ODR4: variants seen among roughly 807,000 people sequenced by gnomAD.
ODR4 encodes the protein protein odr-4 homolog.
In ODR4, 47 loss-of-function variants were observed where a neutral mutation model predicts 60.2. The ratio of observed to expected loss-of-function variants is 0.78; its 90% CI spans 0.62 to 1.00. ODR4 has a LOEUF of 1.00. Ranked by LOEUF, ODR4 falls within the 50% of genes least tolerant of loss-of-function variation. The probability of loss-of-function intolerance (pLI) is 0.00; values close to 1 mark genes in which losing one functional copy is unlikely to be tolerated. For synonymous variants in ODR4, 178 were observed against 175.5 expected, an observed-to-expected ratio of 1.01 and a Z score of -0.11; for missense variants, 488 against 530.8, an observed-to-expected ratio of 0.92 and a Z score of 0.79.
chr1:186,397,259 A>T (rs950831156), intron 9 of ODR4, among the ~76,000 whole-genome samples: 7 of 152,118 alleles, frequency 4.6e-5, no homozygotes, highest in African/African-American at 1.7e-4. Context: ...TTTATTCCTG[A>T]TTGCATAAGC....
At chr1:186,378,550 A>G (rs1291463030) in intron 1 of ODR4, among the ~76,000 whole-genome samples, 4 of 152,226 alleles carry the variant, frequency 2.6e-5, no homozygotes, top group African/African-American at 7.2e-5. Flanking sequence ...ACTTCCATCC[A>G]CAGACCAGAG....
chr1:186,377,876 T>G (rs1219550347), intron 1 of ODR4, among the ~76,000 whole-genome samples: 1 of 152,070 alleles, frequency 6.6e-6, no homozygotes, highest in Non-Finnish European at 1.5e-5. Context: ...AAACCCCGTC[T>G]CTACTAAAAA....
chr1:186,425,330 A>AAG (rs1303204616), downstream of ODR4, among the ~76,000 whole-genome samples: 1 of 152,188 alleles, frequency 6.6e-6, no homozygotes, highest in Non-Finnish European at 1.5e-5. Context: ...TTGTTTAAAA[A>AAG]AGAGGAAAAA....
intron 11 of ODR4, 72 bp downstream of exon 11, chr1:186,399,116 G>A: frequency 1.1e-6 from 1 of 927,856 alleles, no homozygotes; most frequent in Non-Finnish European, 1.7e-6. Context: ...AGATATAGCA[G>A]ATACGTCATC....
At chr1:186,390,277 A>G (rs534129514) in intron 6 of ODR4, among the ~76,000 whole-genome samples, 35 of 152,152 alleles carry the variant, frequency 2.3e-4, no homozygotes, top group Non-Finnish European at 8.8e-5. Context: ...GCACTTTGCT[A>G]ATGCATCTAA....
chr1:186,424,350 T>C (rs752486921), downstream of ODR4, among the ~76,000 whole-genome samples: 4 of 152,160 alleles, frequency 2.6e-5, no homozygotes, highest in Non-Finnish European at 4.4e-5. Context: ...TGTATATTTG[T>C]GATAAAACTT....
intron 11 of ODR4, chr1:186,399,297 T>C: frequency 4.2e-6 from 2 of 472,522 alleles, no homozygotes. Flanking sequence ...CCTCAGCCTC[T>C]TGGGCTCAAG....
intron 5 of ODR4, 84 bp downstream of exon 5, chr1:186,388,632 C>T (rs1660340052): frequency 5.2e-6 from 4 of 764,538 alleles, no homozygotes; most frequent in Non-Finnish European, 7.9e-6. Context: ...TTATTTAAAT[C>T]ATCATTTAAA....
chr1:186,400,085 G>A lies in ODR4; in HGVS notation c.1000+1041G>A, dbSNP rs1328787975. 3.5e-5 allele frequency among the ~76,000 whole-genome samples: 5 copies of A among 143,334 alleles called. No individual in the cohort carries two copies. The East Asian group carries it at 1.1e-3, about 30-fold the overall frequency. 94.0% of individuals were successfully genotyped at this position (143,334 alleles called of 152,430 possible). ...CGACTCACTGCAAGCTCCGCCTCCC[G>A]GGTTCACGCCATTCTCCTGCCTCAG... On this transcript the variant is annotated intron_variant, in intron 11 of 13. Transcript: ENST00000287859.
rs1660774379 is a variant in ODR4, at chr1:186,398,221, C to T, written c.781-92C>T. 5 of 1,188,060 alleles carry T rather than the reference C, an allele frequency of 4.2e-6. No homozygotes were observed. In the South Asian group the frequency reaches 1.1e-4, roughly 26 times the overall value. 73.6% of individuals were successfully genotyped at this position (1,188,060 alleles called of 1,614,324 possible). On this transcript the variant is annotated intron_variant, in intron 9 of 13. Coordinates refer to ENST00000287859, the MANE Select transcript of ODR4 (RefSeq NM_017847.6). ...TGCTTGGCTCAGTCAAAACTTTGTT[C>T]TCTCTTCATAAAATCGCTAATATAA...
intron 12 of ODR4, among the ~76,000 whole-genome samples, chr1:186,406,981 T>C (rs895693757): frequency 2.0e-5 from 3 of 152,176 alleles, no homozygotes; most frequent in Admixed American, 6.5e-5. Context: ...AATTCTCCCT[T>C]CAGGAATAGG....
At chr1:186,395,479 A>G (rs1428544374) in intron 9 of ODR4, among the ~76,000 whole-genome samples, 2 of 152,176 alleles carry the variant, frequency 1.3e-5, no homozygotes, top group South Asian at 4.1e-4. Flanking sequence ...AGTGACTAAT[A>G]TACAGTAAGT....
At chr1:186,408,574 GTGTA>G (rs1329321957) in intron 12 of ODR4, among the ~76,000 whole-genome samples, 16 of 149,316 alleles carry the variant, frequency 1.1e-4, no homozygotes, top group South Asian at 4.2e-4. Flanking sequence ...TAAACAATTT[GTGTA>G]TGTATGTAAA....
intron 1 of ODR4, among the ~76,000 whole-genome samples, chr1:186,377,150 C>G (rs1354778055): frequency 2.6e-5 from 4 of 152,026 alleles, no homozygotes; most frequent in Non-Finnish European, 4.4e-5. Flanking sequence ...ATACCTAATA[C>G]AATGTAAATG....
chr1:186,431,776 G>A, the ODR4 span, among the ~76,000 whole-genome samples: 1 of 152,096 alleles, frequency 6.6e-6, no homozygotes, highest in Non-Finnish European at 1.5e-5. Flanking sequence ...GCAAAGATGT[G>A]GAAGGAATTC....
intron 12 of ODR4, among the ~76,000 whole-genome samples, chr1:186,410,755 C>T (rs1036830889): frequency 1.3e-5 from 2 of 152,202 alleles, no homozygotes; most frequent in Non-Finnish European, 1.5e-5. Context: ...GTGGCTCACG[C>T]CTGTAGTCCC....
intron 6 of ODR4, among the ~76,000 whole-genome samples, chr1:186,390,468 T>G (rs1317040700): frequency 6.6e-6 from 1 of 152,196 alleles, no homozygotes; most frequent in East Asian, 1.9e-4. Context: ...AATTTCTGAT[T>G]CTTTTTCTGC....
intron 4 of ODR4, 38 bp downstream of exon 4, chr1:186,386,121 TTA>T (rs771831128): frequency 2.4e-5 from 29 of 1,198,234 alleles, no homozygotes; most frequent in Non-Finnish European, 3.4e-5. Flanking sequence ...ATGAAATCAG[TTA>T]TATGTTATTT....
intron 2 of ODR4, among the ~76,000 whole-genome samples, chr1:186,380,759 T>C (rs1659991663): frequency 6.6e-6 from 1 of 152,170 alleles, no homozygotes; most frequent in African/African-American, 2.4e-5. Flanking sequence ...CATAATTAAC[T>C]TTCCTTATTC....
Sources: allele counts gnomAD v4.1 joint callset (sites outside exome capture counted in the v4.1 genomes callset), GRCh38; gene constraint gnomAD v4.1.1; transcripts MANE v1.5; gene names NCBI Gene and HGNC (gene_info 2026-07-23, HGNC 2026-07-21).